Variants in RNF6 observed in about 807,000 individuals in gnomAD.
The protein encoded by RNF6 is E3 ubiquitin-protein ligase RNF6.
RNF6 carries 21 observed loss-of-function variants against 50.1 expected under a neutral mutation model. The observed-to-expected ratio is 0.42, with a 90% CI of 0.30 to 0.60. RNF6 has a LOEUF of 0.60. Ranked by LOEUF, RNF6 falls within the 20% of genes least tolerant of loss-of-function variation. The probability of loss-of-function intolerance (pLI) is 0.20; values close to 1 mark genes in which losing one functional copy is unlikely to be tolerated. For missense variants in RNF6, 698 were observed against 838.2 expected (o/e 0.83, Z 2.07); for synonymous variants, 255 against 291.8 (o/e 0.87, Z 1.29).
chr13:26,177,632 A>T (rs1873025046), intron 5 of RNF6, among the ~76,000 whole-genome samples: 1 of 152,162 alleles, frequency 6.6e-6, no homozygotes, highest in African/African-American at 2.4e-5. Context: ...CCTGTATCTC[A>T]AGAAAAGGCT....
intron 5 of RNF6, among the ~76,000 whole-genome samples, chr13:26,191,206 GA>G (rs1220848613): frequency 6.8e-6 from 1 of 146,402 alleles, no homozygotes; most frequent in Non-Finnish European, 1.6e-5. Context: ...TGTTTAGAAG[GA>G]AAAAAATGGC....
intron 5 of RNF6, among the ~76,000 whole-genome samples, chr13:26,180,934 C>T (rs898110717): frequency 3.3e-5 from 5 of 152,342 alleles, no homozygotes; most frequent in African/African-American, 9.6e-5. Flanking sequence ...TGCCTGCTTC[C>T]TGCACTTCCT....
intron 5 of RNF6, among the ~76,000 whole-genome samples, chr13:26,154,960 G>A (rs554076895): frequency 5.9e-5 from 9 of 151,538 alleles, no homozygotes; most frequent in African/African-American, 2.2e-4. Context: ...AACCCAGGAG[G>A]CAGAAGTTGC....
intron 5 of RNF6, among the ~76,000 whole-genome samples, chr13:26,152,061 C>T (rs1452443612): frequency 6.6e-6 from 1 of 152,186 alleles, no homozygotes; most frequent in Non-Finnish European, 1.5e-5. Flanking sequence ...ATAACCTGGC[C>T]TCGGCTAACA....
rs560347198 is a variant in RNF6, at chr13:26,202,117, C to T, written n.768+13357G>A. Among the ~76,000 whole-genome samples, 5 of 152,256 alleles carry T rather than the reference C, an allele frequency of 3.3e-5. No individual in the cohort carries two copies. The East Asian group carries it at 7.7e-4, about 24-fold the overall frequency. On this transcript the variant is annotated intron_variant and non_coding_transcript_variant, in intron 5 of 5. Coordinates refer to the RNF6 transcript ENST00000468480. ...GCTAACAGCGGTAAACTTGGAGAAC[C>T]GAGGCCTGTTTCAGGTGCTGCAGTG...
intron 5 of RNF6, among the ~76,000 whole-genome samples, chr13:26,145,173 G>A (rs753880776): frequency 2.6e-5 from 4 of 152,200 alleles, no homozygotes; most frequent in African/African-American, 9.6e-5. Flanking sequence ...AGAAACTGAG[G>A]GAATGTTAAT....
intron 5 of RNF6, among the ~76,000 whole-genome samples, chr13:26,196,052 A>G (rs1168260535): frequency 6.6e-6 from 1 of 152,248 alleles, no homozygotes; most frequent in African/African-American, 2.4e-5. Flanking sequence ...TAAAATGGCC[A>G]AAATTTTCTA....
At chr13:26,145,697 A>G (rs1349447771) in intron 5 of RNF6, among the ~76,000 whole-genome samples, 1 of 152,250 alleles carries the variant, frequency 6.6e-6, no homozygotes, top group East Asian at 1.9e-4. Flanking sequence ...TAGATTATCT[A>G]GTCTCAGGTA....
At chr13:26,183,398 T>C (rs1430965795) in intron 5 of RNF6, among the ~76,000 whole-genome samples, 1 of 152,222 alleles carries the variant, frequency 6.6e-6, no homozygotes, top group Non-Finnish European at 1.5e-5. Flanking sequence ...CAATGAGACA[T>C]GTAAAGCAAT....
chr13:26,139,217 C>A (rs866368510), intron 5 of RNF6, among the ~76,000 whole-genome samples: 1 of 152,082 alleles, frequency 6.6e-6, no homozygotes, highest in Admixed American at 6.6e-5. Flanking sequence ...ATTTCCCTAC[C>A]CTAAATCATC....
At chr13:26,191,575 A>C (rs1190398762) in intron 5 of RNF6, among the ~76,000 whole-genome samples, 1 of 152,108 alleles carries the variant, frequency 6.6e-6, no homozygotes, top group East Asian at 1.9e-4. Context: ...ATGAGTTCTC[A>C]CAAGATCTGA....
chr13:26,152,650 G>A (rs1464864529), intron 5 of RNF6, among the ~76,000 whole-genome samples: 1 of 152,112 alleles, frequency 6.6e-6, no homozygotes, highest in Non-Finnish European at 1.5e-5. Flanking sequence ...CCCGTTTAAG[G>A]TCAATTCAAC....
intron 5 of RNF6, among the ~76,000 whole-genome samples, chr13:26,162,032 T>G (rs1872237903): frequency 2.6e-5 from 4 of 152,232 alleles, no homozygotes; most frequent in Admixed American, 2.6e-4. Context: ...TTTTATCTTC[T>G]GTATATTATG....
At chr13:26,211,583 CCT>C (rs1054723990), downstream of RNF6, among the ~76,000 whole-genome samples, 4 of 152,008 alleles carry the variant, frequency 2.6e-5, no homozygotes, top group Non-Finnish European at 5.9e-5. Context: ...ATGGTGAAAC[CCT>C]GTCTCTACTA....
intron 5 of RNF6, among the ~76,000 whole-genome samples, chr13:26,183,587 G>A (rs1314263229): frequency 2.6e-5 from 4 of 152,136 alleles, no homozygotes; most frequent in Non-Finnish European, 5.9e-5. Context: ...TTGAAGGTAG[G>A]AGCAGCTTAA....
intron 5 of RNF6, among the ~76,000 whole-genome samples, chr13:26,169,942 C>T (rs1382139501): frequency 6.6e-6 from 1 of 152,166 alleles, no homozygotes; most frequent in African/African-American, 2.4e-5. Flanking sequence ...GTCTTCCTTG[C>T]CTGTTTAATT....
intron 5 of RNF6, among the ~76,000 whole-genome samples, chr13:26,157,601 A>G (rs1369528128): frequency 1.3e-5 from 2 of 152,210 alleles, no homozygotes; most frequent in African/African-American, 4.8e-5. Context: ...AAAGGGGCAA[A>G]AAAAGCCAAA....
intron 5 of RNF6, among the ~76,000 whole-genome samples, chr13:26,179,056 T>A (rs714454): frequency 1.3e-5 from 2 of 152,014 alleles, no homozygotes; most frequent in African/African-American, 4.8e-5. Context: ...AGAAGAACAC[T>A]GTGCACCAGT....
rs369703576 is a variant in RNF6 at position 26,215,140 on chromosome 13, C to T, written c.742G>A (p.Ala248Thr). ...GIGGAAGIPRANASRTNFSSH... is the reference protein window; with the variant it reads ...GIGGAAGIPRTNASRTNFSSH... ...CTGAAATTAGTGCGTGAAGCGTTAG[C>T]TCGAGGAATGCCAGCTGCTCCCCCA... is the stretch of plus-strand genomic sequence containing the variant. The change falls in exon 5 of 5, where the codon GCT (alanine) becomes ACT (threonine). Residue 248 changes from alanine to threonine, a missense_variant. Coordinates refer to ENST00000381588, the MANE Select transcript of RNF6 (RefSeq NM_005977.4). 1 of 1,614,098 alleles carries T rather than the reference C, an allele frequency of 6.2e-7. No individual in the cohort carries two copies. Among genetic ancestry groups the T allele is most frequent in the Non-Finnish European group, 8.5e-7 (1 of 1,180,050 alleles).
Sources: allele counts gnomAD v4.1 joint callset (sites outside exome capture counted in the v4.1 genomes callset), GRCh38; gene constraint gnomAD v4.1.1; transcripts MANE v1.5; gene names NCBI Gene and HGNC (gene_info 2026-07-23, HGNC 2026-07-21).